SLC4A10: variants seen among roughly 807,000 people sequenced by gnomAD.
SLC4A10 encodes the protein sodium-driven chloride bicarbonate exchanger.
In SLC4A10, 42 loss-of-function variants were observed where a neutral mutation model predicts 137.7. The observed-to-expected ratio is 0.30, with a 90% CI of 0.24 to 0.39. SLC4A10 has a LOEUF of 0.39. Among genes scored for constraint, SLC4A10 ranks in the 10% least tolerant of loss-of-function variants. SLC4A10 has a pLI of 1.00. For missense variants in SLC4A10, 925 were observed against 1,355.0 expected, an observed-to-expected ratio of 0.68 and a Z score of 4.98; for synonymous variants, 474 against 464.1, an observed-to-expected ratio of 1.02 and a Z score of -0.27.
chr2:161,903,305 C>G (rs1037414635), intron 12 of SLC4A10, among the ~76,000 whole-genome samples: 1 of 152,018 alleles, frequency 6.6e-6, no homozygotes, highest in Non-Finnish European at 1.5e-5. Flanking sequence ...GATATGTTAA[C>G]GCAATAGTGG....
At chr2:161,735,118 T>G (rs1321895963) in intron 1 of SLC4A10, among the ~76,000 whole-genome samples, 1 of 149,888 alleles carries the variant, frequency 6.7e-6, no homozygotes, top group African/African-American at 2.4e-5. Context: ...GGTAGTATCT[T>G]TATAGTAGTA....
At chr2:161,959,699 T>G (rs1696295657) in intron 21 of SLC4A10, among the ~76,000 whole-genome samples, 1 of 152,148 alleles carries the variant, frequency 6.6e-6, no homozygotes, top group African/African-American at 2.4e-5. Flanking sequence ...TCATACATGG[T>G]CTTTCCATGT....
At chr2:161,926,927 C>A (rs1206249946) in intron 15 of SLC4A10, among the ~76,000 whole-genome samples, 3 of 150,678 alleles carry the variant, frequency 2.0e-5, no homozygotes, top group Non-Finnish European at 3.0e-5. Context: ...CTGAGAGATC[C>A]GCTGTTAGTC....
At chr2:161,737,251 T>A (rs1272207892) in intron 1 of SLC4A10, among the ~76,000 whole-genome samples, 1 of 152,180 alleles carries the variant, frequency 6.6e-6, no homozygotes, top group Non-Finnish European at 1.5e-5. Flanking sequence ...CTGATTTAGT[T>A]TAATAGGTGG....
intron 1 of SLC4A10, among the ~76,000 whole-genome samples, chr2:161,696,657 A>G (rs1466444760): frequency 6.6e-6 from 1 of 152,040 alleles, no homozygotes; most frequent in African/African-American, 2.4e-5. Context: ...ATGGCTGCAT[A>G]GTATTCCATG....
intron 1 of SLC4A10, among the ~76,000 whole-genome samples, chr2:161,768,259 C>T (rs1163333308): frequency 3.9e-5 from 6 of 152,130 alleles, no homozygotes; most frequent in East Asian, 1.9e-4. Context: ...CAGCCAGAAC[C>T]TCATTGACTA....
chr2:161,739,910 G>C (rs1456404494), intron 1 of SLC4A10, among the ~76,000 whole-genome samples: 5 of 152,140 alleles, frequency 3.3e-5, no homozygotes, highest in African/African-American at 1.2e-4. Flanking sequence ...CAATGGACAT[G>C]TTCTGCTTTA....
At chr2:161,877,645 T>C (rs2061518193) in intron 8 of SLC4A10, among the ~76,000 whole-genome samples, 1 of 152,038 alleles carries the variant, frequency 6.6e-6, no homozygotes, top group Admixed American at 6.6e-5. Context: ...ATCTATAAAC[T>C]AAAAGATCAG....
chr2:161,687,703 G>C (rs916660950), intron 1 of SLC4A10, among the ~76,000 whole-genome samples: 1 of 152,100 alleles, frequency 6.6e-6, no homozygotes, highest in Non-Finnish European at 1.5e-5. Context: ...GGTGGGGACC[G>C]GGTCGATGTA....
chr2:161,939,783 G>T (rs1197765028), intron 15 of SLC4A10, among the ~76,000 whole-genome samples: 1 of 151,882 alleles, frequency 6.6e-6, no homozygotes. Context: ...TATAATTATA[G>T]AATGTAAAAA....
intron 1 of SLC4A10, among the ~76,000 whole-genome samples, chr2:161,694,371 A>G (rs970722912): frequency 1.4e-4 from 22 of 151,962 alleles, no homozygotes; most frequent in African/African-American, 4.3e-4. Flanking sequence ...TATGCTGCTT[A>G]AGGCTAAGAC....
intron 2 of SLC4A10, among the ~76,000 whole-genome samples, chr2:161,802,685 T>A (rs1194470156): frequency 6.6e-6 from 1 of 152,158 alleles, no homozygotes; most frequent in African/African-American, 2.4e-5. Context: ...TTCTGGAGGC[T>A]GGGACACCTA....
chr2:161,933,788 T>G lies in SLC4A10; in HGVS notation c.1998-9004T>G, dbSNP rs148004269. 4.3e-4 allele frequency among the ~76,000 whole-genome samples: 65 copies of G among 152,282 alleles called. 1 individual carries two copies. The highest frequency in any genetic ancestry group is 7.8e-4 in the Non-Finnish European group (53 of 68,018). On this transcript the variant is annotated intron_variant, in intron 15 of 26. Transcript: ENST00000446997. ...CTGTGAATAAATGCTACAGTGAACA[T>G]GGGAATGCAGATATCTCTTCCATTT...
intron 1 of SLC4A10, among the ~76,000 whole-genome samples, chr2:161,720,337 C>T (rs2045504264): frequency 6.6e-6 from 1 of 152,174 alleles, no homozygotes; most frequent in Non-Finnish European, 1.5e-5. Context: ...GTGATGCCTC[C>T]AGCTTTGTTC....
chr2:161,631,949 A>G (rs2033638929), intron 1 of SLC4A10, among the ~76,000 whole-genome samples: 1 of 151,766 alleles, frequency 6.6e-6, no homozygotes, highest in South Asian at 2.1e-4. Flanking sequence ...CATCAGCAAG[A>G]CTTGCTCATT....
At chr2:161,966,964 C>G (rs1466017882) in intron 23 of SLC4A10, among the ~76,000 whole-genome samples, 2 of 152,046 alleles carry the variant, frequency 1.3e-5, no homozygotes, top group Non-Finnish European at 2.9e-5. Context: ...ACACAACACC[C>G]AAGAAGGTTT....
At chr2:161,944,973 G>A (rs563919103) in intron 16 of SLC4A10, among the ~76,000 whole-genome samples, 2 of 150,948 alleles carry the variant, frequency 1.3e-5, no homozygotes, top group South Asian at 4.2e-4. Flanking sequence ...GTTTTATTGA[G>A]TTGTTTGTTA....
chr2:161,813,757 T>C (rs755315983), intron 3 of SLC4A10, among the ~76,000 whole-genome samples: 36 of 152,270 alleles, frequency 2.4e-4, no homozygotes, highest in Non-Finnish European at 3.8e-4. Flanking sequence ...GCTGTATTTA[T>C]CATTTGTTTG....
intron 1 of SLC4A10, among the ~76,000 whole-genome samples, chr2:161,755,797 G>A (rs1286964064): frequency 6.8e-6 from 1 of 147,020 alleles, no homozygotes; most frequent in Non-Finnish European, 1.5e-5. Context: ...TTGAGACGGA[G>A]TCTTGCCCTG....
Sources: allele counts gnomAD v4.1 joint callset (sites outside exome capture counted in the v4.1 genomes callset), GRCh38; gene constraint gnomAD v4.1.1; transcripts MANE v1.5; gene names NCBI Gene and HGNC (gene_info 2026-07-23, HGNC 2026-07-21).